Variants in SAMD3 observed in about 807,000 individuals in gnomAD.
SAMD3 encodes the protein sterile alpha motif domain containing 3.
In SAMD3, 63 loss-of-function variants were observed where a neutral mutation model predicts 58.5. That is an observed-to-expected ratio of 1.08 (90% CI 0.88 to 1.33). The LOEUF (loss-of-function observed/expected upper bound fraction) is 1.33. SAMD3 is among the 40% of genes most tolerant of loss of function. The pLI, the probability that SAMD3 is intolerant of heterozygous loss-of-function variation, is 0.00. For missense variants in SAMD3, 604 were observed against 608.4 expected (o/e 0.99, Z 0.08); for synonymous variants, 220 against 210.3 (o/e 1.05, Z -0.40).
intron 1 of SAMD3, among the ~76,000 whole-genome samples, chr6:130,338,799 A>G (rs1275171632): frequency 1.3e-5 from 2 of 152,170 alleles, no homozygotes; most frequent in East Asian, 3.9e-4. Flanking sequence ...CTATACTAAT[A>G]TTATATGTTG....
chr6:130,263,349 A>C (rs1774211145), intron 2 of SAMD3, among the ~76,000 whole-genome samples: 1 of 152,234 alleles, frequency 6.6e-6, no homozygotes, highest in Non-Finnish European at 1.5e-5. Flanking sequence ...TACCACCCTT[A>C]GAATTTCCGG....
chr6:130,192,235 T>C (rs1207207645), intron 5 of SAMD3, among the ~76,000 whole-genome samples: 1 of 152,244 alleles, frequency 6.6e-6, no homozygotes, highest in Non-Finnish European at 1.5e-5. Flanking sequence ...AAATATCAAA[T>C]ATAACATTGT....
At chr6:130,345,551 TG>T in intron 1 of SAMD3, among the ~76,000 whole-genome samples, 1 of 152,148 alleles carries the variant, frequency 6.6e-6, no homozygotes, top group Middle Eastern at 3.4e-3. Context: ...GAGATTGGTT[TG>T]GGGGACATGG....
chr6:130,319,644 A>G (rs1776515788), intron 1 of SAMD3, among the ~76,000 whole-genome samples: 1 of 152,216 alleles, frequency 6.6e-6, no homozygotes, highest in South Asian at 2.1e-4. Context: ...TCTTTCAAGC[A>G]TAAGGCAAAT....
At chr6:130,225,158 T>A (rs936757612), upstream of SAMD3, among the ~76,000 whole-genome samples, 1 of 152,122 alleles carries the variant, frequency 6.6e-6, no homozygotes, top group African/African-American at 2.4e-5. Context: ...TAAAAAATAA[T>A]GTTACTGAAA....
upstream of SAMD3, among the ~76,000 whole-genome samples, chr6:130,224,997 T>C (rs1796348920): frequency 6.6e-6 from 1 of 151,918 alleles, no homozygotes; most frequent in South Asian, 2.1e-4. Flanking sequence ...TAAATATGAG[T>C]CTGTGTGTCT....
rs990132571 is a variant in SAMD3, at chr6:130,231,717, T to A, written c.-187-8904A>T. Among the ~76,000 whole-genome samples, 19 of 152,250 alleles carry A rather than the reference T, an allele frequency of 1.2e-4. 1 individual carries two copies. Among genetic ancestry groups the A allele is most frequent in the Non-Finnish European group, 2.5e-4 (17 of 68,042 alleles). Reference sequence around the variant, plus strand: ...GTTATTAAAAACAATGCTATGCTGATCACCTTTTTTCATAGGTGGCTCATA... The same window carrying A: ...GTTATTAAAAACAATGCTATGCTGAACACCTTTTTTCATAGGTGGCTCATA... On this transcript the variant is annotated intron_variant, in intron 2 of 13. Transcript: ENST00000368134.
intron 2 of SAMD3, among the ~76,000 whole-genome samples, chr6:130,275,156 T>A (rs1202969486): frequency 6.6e-6 from 1 of 152,206 alleles, no homozygotes. Context: ...TCTCTTTGAT[T>A]CCTTGTGGTG....
chr6:130,307,585 G>C (rs774945830), intron 2 of SAMD3, among the ~76,000 whole-genome samples: 5 of 152,156 alleles, frequency 3.3e-5, no homozygotes, highest in African/African-American at 1.2e-4. Context: ...GGGGTGGACT[G>C]TTCCACAAAC....
intron 2 of SAMD3, among the ~76,000 whole-genome samples, chr6:130,237,371 G>C (rs943882742): frequency 2.6e-5 from 4 of 152,062 alleles, no homozygotes; most frequent in African/African-American, 9.7e-5. Context: ...TTCCTAGCTA[G>C]TTCTCATATC....
chr6:130,325,271 C>T (rs1776719214), intron 1 of SAMD3, among the ~76,000 whole-genome samples: 1 of 152,160 alleles, frequency 6.6e-6, no homozygotes, highest in Non-Finnish European at 1.5e-5. Flanking sequence ...GATATGGTGT[C>T]TGCAAGGAGA....
intron 2 of SAMD3, among the ~76,000 whole-genome samples, chr6:130,244,727 G>A (rs1314113261): frequency 6.7e-6 from 1 of 148,926 alleles, no homozygotes; most frequent in East Asian, 2.0e-4. Flanking sequence ...GTGACAGGAC[G>A]AGCCTGTCTC....
rs1776218646 is a variant in SAMD3, at chr6:130,312,720, T to C, written c.-188+258A>G. Among the ~76,000 whole-genome samples, 3 of 152,234 alleles carry C rather than the reference T, an allele frequency of 2.0e-5. No homozygotes were observed. The South Asian group carries it at 6.2e-4, about 32-fold the overall frequency. The stretch of plus-strand genomic sequence containing the variant: ...TAAAATCATCCAGCCTAAAATGGCA[T>C]TGCCTTGTTTTGTTGAAACCTACCT... On this transcript the variant is annotated intron_variant, in intron 2 of 13. Coordinates refer to the SAMD3 transcript ENST00000368134.
At chr6:130,341,210 A>G (rs973824078) in intron 1 of SAMD3, among the ~76,000 whole-genome samples, 1 of 152,130 alleles carries the variant, frequency 6.6e-6, no homozygotes, top group African/African-American at 2.4e-5. Context: ...ATAATAACCA[A>G]TATGGTCTAT....
intron 1 of SAMD3, among the ~76,000 whole-genome samples, chr6:130,331,705 T>G (rs145430142): frequency 8.3e-4 from 126 of 152,248 alleles, no homozygotes; most frequent in African/African-American, 2.9e-3. Flanking sequence ...GGCAACAGAG[T>G]GAGACTCCAT....
intron 2 of SAMD3, among the ~76,000 whole-genome samples, chr6:130,294,379 A>G (rs1167831865): frequency 6.6e-6 from 1 of 152,130 alleles, no homozygotes; most frequent in Non-Finnish European, 1.5e-5. Flanking sequence ...CTAAGAAAAT[A>G]TTTGCTTGAA....
chr6:130,298,197 A>G (rs1583067052), intron 2 of SAMD3, among the ~76,000 whole-genome samples: 1 of 152,210 alleles, frequency 6.6e-6, no homozygotes, highest in Non-Finnish European at 1.5e-5. Flanking sequence ...CAGCAGAAAC[A>G]TTACAAACCA....
At chr6:130,215,333 T>C in intron 2 of SAMD3, 39 bp from the exon 3 acceptor site, 1 of 1,377,958 alleles carries the variant, frequency 7.3e-7, no homozygotes, top group Non-Finnish European at 9.7e-7. Context: ...CAGCTTTTCT[T>C]TCTGATTGTG....
At chr6:130,218,161 G>A (rs118133025) in intron 1 of SAMD3, among the ~76,000 whole-genome samples, 1,985 of 152,302 alleles carry the variant, frequency 0.013, 18 homozygotes, top group South Asian at 0.041. Context: ...AGGGTCAGAA[G>A]AATGGAATTT....
Sources: gnomAD v4.1 joint callset for allele counts (sites outside exome capture counted in the v4.1 genomes callset) on GRCh38, gnomAD v4.1.1 for gene constraint, MANE v1.5 for transcripts, NCBI Gene and HGNC (gene_info 2026-07-23, HGNC 2026-07-21) for gene names.